The following ADRA1A variants were observed in gnomAD, a reference collection of about 807,000 sequenced individuals.
ADRA1A encodes the protein adrenoceptor alpha 1A.
ADRA1A carries 31 observed loss-of-function variants against 29.6 expected under a neutral mutation model. That is an observed-to-expected ratio of 1.05 (90% CI 0.79 to 1.41). The LOEUF is 1.41. ADRA1A is among the 40% of genes most tolerant of loss of function. ADRA1A has a pLI of 0.00. For missense variants in ADRA1A, 619 were observed against 601.1 expected (o/e 1.03, Z -0.31); for synonymous variants, 311 against 254.3 (o/e 1.22, Z -2.12).
At position 26,796,283 on chromosome 8, in the gene ADRA1A, A is replaced by G. The variant is rs931380965; in HGVS notation, c.884-25617T>C. The stretch of plus-strand genomic sequence containing the variant: ...TTGTATGCATTTGATAATATCCATA[A>G]TAAATACTTAAAATATTAAAAAAGA... On this transcript the variant is annotated intron_variant, in intron 2 of 2. Transcript: ENST00000380573. This position sits in a 1 kb window ranked among gnomAD's most constrained non-coding sequence, Gnocchi z 5.0. Among the ~76,000 whole-genome samples, 1 of 152,216 alleles carries G rather than the reference A, an allele frequency of 6.6e-6. No individual in the cohort carries two copies. Among genetic ancestry groups the G allele is most frequent in the African/African-American group, 2.4e-5 (1 of 41,470 alleles).
In ADRA1A at chr8:26,864,647, A is replaced by C; in HGVS notation, c.323T>G (p.Leu108Arg). 6.2e-7 allele frequency: 1 copy of C among 1,614,206 alleles called. No individual in the cohort carries two copies. Among genetic ancestry groups the C allele is most frequent in the Non-Finnish European group, 8.5e-7 (1 of 1,180,044 alleles). Reference protein sequence around the residue: ...FCNIWAAVDVLCCTASIMGLC... With the variant: ...FCNIWAAVDVRCCTASIMGLC... ...GCCCATGATGGACGCGGTGCAGCACAGCACATCCACTGCCGCCCAGATGTT... is the reference window on the plus strand; with the variant it reads ...GCCCATGATGGACGCGGTGCAGCACCGCACATCCACTGCCGCCCAGATGTT... Residue 108 changes from leucine to arginine, a missense_variant, in exon 2 of 3, where the codon CTG (leucine) becomes CGG (arginine). Leu to Arg is a moderately radical substitution (Grantham distance 102, BLOSUM62 -2). Coordinates refer to ENST00000380573, the MANE Select transcript of ADRA1A (RefSeq NM_000680.4). The surrounding 1 kb of genome is among the most constrained non-coding windows in gnomAD (Gnocchi z 8.1).
At chr8:26,812,719 C>T (rs1341009635) in intron 2 of ADRA1A, among the ~76,000 whole-genome samples, 3 of 151,524 alleles carry the variant, frequency 2.0e-5, no homozygotes, top group East Asian at 1.9e-4. Flanking sequence ...GGCTGGAGTG[C>T]AGTGGCGCGG....
chr8:26,755,605 C>T (rs61759703), downstream of ADRA1A, among the ~76,000 whole-genome samples: 7,924 of 152,220 alleles, frequency 0.052, 255 homozygotes, highest in Middle Eastern at 0.099. Flanking sequence ...TGTTTCTGTT[C>T]CCCACCCCAT....
At position 26,768,934 on chromosome 8, in the gene ADRA1A, A is replaced by G; in HGVS notation, c.*1215T>C. The G allele has an allele frequency of 1.0e-6, 1 of 985,472 alleles. No homozygotes were observed. Among genetic ancestry groups the G allele is most frequent in the Non-Finnish European group, 1.2e-6 (1 of 829,934 alleles). The allele number at this position is 985,472 out of a possible 1,614,324, so 61.0% of individuals were successfully genotyped here. ...GTTGACTACTGGATCTTTTACCAGAACAAATGGCCTTCTATCAAAAAATGT... is the reference window on the plus strand; with the variant it reads ...GTTGACTACTGGATCTTTTACCAGAGCAAATGGCCTTCTATCAAAAAATGT... On this transcript the variant is annotated 3_prime_UTR_variant, in exon 3 of 3. Coordinates refer to ENST00000380573, the MANE Select transcript of ADRA1A (RefSeq NM_000680.4).
chr8:26,769,310 T>C lies in ADRA1A; in HGVS notation c.*839A>G. 1 of 985,412 alleles carries C rather than the reference T, an allele frequency of 1.0e-6. No individual in the cohort carries two copies. Among genetic ancestry groups the C allele is most frequent in the South Asian group, 4.7e-5 (1 of 21,276 alleles). The allele number at this position is 985,412 out of a possible 1,614,324, so 61.0% of individuals were successfully genotyped here. ...ACAGCCACACCAACCTCTTGCTCTT[T>C]AAAGATATTAGAGAGAAAGCCTATC... On this transcript the variant is annotated 3_prime_UTR_variant, in exon 3 of 3. Transcript: ENST00000380573.
chr8:26,797,883 G>T (rs1281241177), intron 2 of ADRA1A, among the ~76,000 whole-genome samples: 2 of 152,120 alleles, frequency 1.3e-5, no homozygotes, highest in African/African-American at 4.8e-5. Context: ...AAAGTCCAAG[G>T]TCTTAAACAT....
chr8:26,758,508 T>G (rs534564244), intron 2 of ADRA1A, among the ~76,000 whole-genome samples: 40 of 152,338 alleles, frequency 2.6e-4, no homozygotes, highest in African/African-American at 9.6e-4. Flanking sequence ...TATCACCTCA[T>G]AAGGCATTTC....
rs776848739 is a variant in ADRA1A at position 26,756,570 on chromosome 8, T to C, written c.*189A>G. ...TAAGTTACTGTTTTTCCTGTATCAG[T>C]AACAGTAACATGTTGGATTTGTGCC... On this transcript the variant is annotated 3_prime_UTR_variant, in exon 3 of 3. Transcript: ENST00000380582. 1.1e-5 allele frequency: 17 copies of C among 1,549,534 alleles called. No individual in the cohort carries two copies. The South Asian group carries it at 2.0e-4, about 19-fold the overall frequency.
rs1457054180 is a variant in ADRA1A, at chr8:26,756,798, A to G, written c.1270-19T>C. The G allele has an allele frequency of 5.0e-6, 8 of 1,607,082 alleles. No individual in the cohort carries two copies. The African/African-American group carries it at 6.7e-5, about 13-fold the overall frequency. Reference sequence around the variant, plus strand: ...TGTGTCCCTTTAAAACACAAGGTAGACTAACATTTAATTAATCATGCATTT... The same window carrying G: ...TGTGTCCCTTTAAAACACAAGGTAGGCTAACATTTAATTAATCATGCATTT... On this transcript the variant is annotated intron_variant, in intron 2 of 2. Coordinates refer to the ADRA1A transcript ENST00000380582.
chr8:26,790,511 A>G (rs895085792), intron 2 of ADRA1A, among the ~76,000 whole-genome samples: 3 of 152,178 alleles, frequency 2.0e-5, no homozygotes, highest in Non-Finnish European at 4.4e-5. Flanking sequence ...AATTACAGCT[A>G]GATAGGAGGA....
intron 2 of ADRA1A, among the ~76,000 whole-genome samples, chr8:26,808,809 C>T (rs1211131427): frequency 1.3e-5 from 2 of 152,182 alleles, no homozygotes; most frequent in African/African-American, 2.4e-5. Flanking sequence ...GACATATGTC[C>T]TTTCTTTTTA....
intron 2 of ADRA1A, among the ~76,000 whole-genome samples, chr8:26,832,970 C>A (rs866754395): frequency 7.2e-5 from 11 of 152,342 alleles, no homozygotes; most frequent in Admixed American, 3.3e-4. Context: ...AGCTGCCAGG[C>A]ATTGGCCCTC....
intron 2 of ADRA1A, among the ~76,000 whole-genome samples, chr8:26,778,280 T>C (rs1000884438): frequency 6.6e-6 from 1 of 152,162 alleles, no homozygotes; most frequent in African/African-American, 2.4e-5. Context: ...CTAGAAGACC[T>C]CCTTGTGTCC....
rs183956963 is a variant in ADRA1A, at chr8:26,773,111, G to A, written c.884-2445C>T. On this transcript the variant is annotated intron_variant, in intron 2 of 2. Coordinates refer to ENST00000380573, the MANE Select transcript of ADRA1A (RefSeq NM_000680.4). ...ACAAATGAAGAAACTGTGGCTTAAT[G>A]AGTTTGAGTAGCTCAACCGAGGTCA... Among the ~76,000 whole-genome samples, 540 of 152,308 alleles carry A rather than the reference G, an allele frequency of 3.5e-3. 1 individual carries two copies. The highest frequency in any genetic ancestry group is 0.012 in the African/African-American group (516 of 41,562).
chr8:26,754,203 G>A (rs901604066), downstream of ADRA1A, among the ~76,000 whole-genome samples: 1 of 152,176 alleles, frequency 6.6e-6, no homozygotes, highest in Non-Finnish European at 1.5e-5. Context: ...TGAAGCCATT[G>A]TAGTCAGCCT....
At chr8:26,830,646 G>T (rs376002111) in intron 2 of ADRA1A, among the ~76,000 whole-genome samples, 2 of 152,092 alleles carry the variant, frequency 1.3e-5, no homozygotes, top group African/African-American at 4.8e-5. Flanking sequence ...AAAGATGAAG[G>T]TTTATTTAAG....
At chr8:26,820,781 T>TA (rs1325603531) in intron 2 of ADRA1A, among the ~76,000 whole-genome samples, 1 of 152,184 alleles carries the variant, frequency 6.6e-6, no homozygotes, top group Non-Finnish European at 1.5e-5. Flanking sequence ...TAGTCACATT[T>TA]AAAAAAATAG....
At chr8:26,838,687 A>C (rs1234780723) in intron 2 of ADRA1A, among the ~76,000 whole-genome samples, 2 of 152,274 alleles carry the variant, frequency 1.3e-5, no homozygotes, top group African/African-American at 4.8e-5. Flanking sequence ...AACCAGGGTC[A>C]TTCAAAAATT....
intron 2 of ADRA1A, among the ~76,000 whole-genome samples, chr8:26,816,074 A>G (rs1051320199): frequency 6.6e-6 from 1 of 152,200 alleles, no homozygotes; most frequent in African/African-American, 2.4e-5. Flanking sequence ...GCCTCACAGC[A>G]GCATCCCGAG....
Sources: gnomAD v4.1 joint callset for allele counts (sites outside exome capture counted in the v4.1 genomes callset) on GRCh38, gnomAD v4.1.1 for gene constraint, Gnocchi (gnomAD v3.1) non-coding constraint, MANE v1.5 for transcripts, NCBI Gene and HGNC (gene_info 2026-07-23, HGNC 2026-07-21) for gene names.